The following PTPRD variants were observed in gnomAD, a reference collection of about 807,000 sequenced individuals.
PTPRD encodes protein tyrosine phosphatase receptor type D.
In PTPRD, 34 loss-of-function variants were observed where a neutral mutation model predicts 214.5. The ratio of observed to expected loss-of-function variants is 0.16; its 90% CI spans 0.12 to 0.21. The LOEUF (loss-of-function observed/expected upper bound fraction) is 0.21, where lower values mean the gene tolerates loss of function less well. Among genes scored for constraint, PTPRD ranks in the 10% least tolerant of loss-of-function variants. The pLI, the probability that PTPRD is intolerant of heterozygous loss-of-function variation, is 1.00. For missense variants in PTPRD, 2,545 were observed against 2,398.7 expected (o/e 1.06, Z -1.27); for synonymous variants, 1,128 against 845.7 (o/e 1.33, Z -5.79).
chr9:9,097,399 G>A (rs949425917), intron 10 of PTPRD, among the ~76,000 whole-genome samples: 3 of 147,852 alleles, frequency 2.0e-5, no homozygotes, highest in African/African-American at 7.5e-5. Flanking sequence ...GCACACCATG[G>A]CTCTTTTTTT....
chr9:8,855,793 C>G (rs778021550), intron 11 of PTPRD, among the ~76,000 whole-genome samples: 16 of 152,160 alleles, frequency 1.1e-4, no homozygotes, highest in Non-Finnish European at 1.9e-4. Context: ...CATCCCCTTG[C>G]TGTCCTTCCT....
chr9:8,621,699 T>A (rs908651865), intron 14 of PTPRD, among the ~76,000 whole-genome samples: 1 of 151,750 alleles, frequency 6.6e-6, no homozygotes, highest in African/African-American at 2.4e-5. Flanking sequence ...CTAAGATTAA[T>A]GGGACCCATA....
chr9:9,012,074 T>A (rs934731627), intron 11 of PTPRD, among the ~76,000 whole-genome samples: 2 of 152,148 alleles, frequency 1.3e-5, no homozygotes. Flanking sequence ...TACCATGTTG[T>A]GAGAGGGCCT....
intron 5 of PTPRD, among the ~76,000 whole-genome samples, chr9:9,839,068 G>C (rs1292879202): frequency 6.6e-6 from 1 of 152,164 alleles, no homozygotes; most frequent in Non-Finnish European, 1.5e-5. Context: ...TCAAAGATCA[G>C]ATAGTTGTAG....
chr9:10,184,214 C>G (rs771392289), intron 3 of PTPRD, among the ~76,000 whole-genome samples: 5 of 152,048 alleles, frequency 3.3e-5, no homozygotes, highest in Non-Finnish European at 7.4e-5. Context: ...TACTTGATGT[C>G]AGGGGTTCGA....
chr9:9,571,484 C>A (rs1263276400), intron 8 of PTPRD, among the ~76,000 whole-genome samples: 1 of 151,102 alleles, frequency 6.6e-6, no homozygotes, highest in Non-Finnish European at 1.5e-5. Flanking sequence ...TATATTTTAA[C>A]AATGATTACA....
chr9:9,633,051 T>A (rs996611771), intron 7 of PTPRD, among the ~76,000 whole-genome samples: 1 of 151,996 alleles, frequency 6.6e-6, no homozygotes. Context: ...TCCCAGCACT[T>A]TGGGAGGTGG....
At chr9:8,948,346 T>G (rs1482068795) in intron 11 of PTPRD, among the ~76,000 whole-genome samples, 4 of 136,226 alleles carry the variant, frequency 2.9e-5, no homozygotes, top group Non-Finnish European at 4.6e-5. Flanking sequence ...ACTATGCCCA[T>G]GCATCTTCAA....
At chr9:9,051,893 C>T (rs2099686454) in intron 10 of PTPRD, among the ~76,000 whole-genome samples, 1 of 152,126 alleles carries the variant, frequency 6.6e-6, no homozygotes, top group South Asian at 2.1e-4. Flanking sequence ...TCTATTGCTA[C>T]AAAACAACAT....
intron 7 of PTPRD, among the ~76,000 whole-genome samples, chr9:9,705,395 T>C (rs953581613): frequency 6.6e-6 from 1 of 152,198 alleles, no homozygotes; most frequent in Non-Finnish European, 1.5e-5. Context: ...TATGATTATG[T>C]TGAAATCAAA....
At chr9:9,361,821 T>G (rs536622086) in intron 9 of PTPRD, among the ~76,000 whole-genome samples, 32 of 151,220 alleles carry the variant, frequency 2.1e-4, no homozygotes, top group African/African-American at 7.5e-4. Context: ...TAACTACTAT[T>G]CAATTAAATA....
chr9:10,238,041 T>TA (rs34654151), intron 3 of PTPRD, among the ~76,000 whole-genome samples: 56,671 of 151,298 alleles, frequency 0.37, 12,508 homozygotes, highest in Non-Finnish European at 0.49. Context: ...CTTTTTTTTT[T>TA]AAAAATCCTT....
intron 9 of PTPRD, among the ~76,000 whole-genome samples, chr9:9,340,429 C>A (rs757197090): frequency 7.2e-5 from 11 of 152,190 alleles, no homozygotes; most frequent in Non-Finnish European, 1.5e-4. Context: ...GCTTATTATA[C>A]ATTATGGATA....
At chr9:8,748,474 TG>T (rs113472991) in intron 11 of PTPRD, among the ~76,000 whole-genome samples, 9 of 134,910 alleles carry the variant, frequency 6.7e-5, no homozygotes, top group African/African-American at 2.5e-4. Flanking sequence ...TCCCTTTGTA[TG>T]GGAGCTCTGT....
intron 11 of PTPRD, among the ~76,000 whole-genome samples, chr9:9,008,290 C>T (rs952053051): frequency 1.3e-5 from 2 of 150,396 alleles, no homozygotes; most frequent in East Asian, 2.0e-4. Context: ...GTCCAGTGGC[C>T]GATCTTGGCT....
intron 12 of PTPRD, among the ~76,000 whole-genome samples, chr9:8,707,256 C>A (rs1023599566): frequency 6.6e-5 from 10 of 152,148 alleles, no homozygotes; most frequent in African/African-American, 1.7e-4. Flanking sequence ...TTGAATAATT[C>A]TTTGGTGACA....
intron 14 of PTPRD, among the ~76,000 whole-genome samples, chr9:8,559,363 T>C (rs73412714): frequency 0.05 from 7,666 of 152,266 alleles, 634 homozygotes; most frequent in African/African-American, 0.18. Context: ...CACATATACC[T>C]CTCAAATATG....
intron 11 of PTPRD, among the ~76,000 whole-genome samples, chr9:8,966,519 T>G (rs1187510687): frequency 6.6e-6 from 1 of 151,928 alleles, no homozygotes; most frequent in Non-Finnish European, 1.5e-5. Flanking sequence ...AAAGGACTCC[T>G]TCTTTAATAA....
At chr9:8,907,046 A>T (rs2098712743) in intron 11 of PTPRD, among the ~76,000 whole-genome samples, 3 of 152,100 alleles carry the variant, frequency 2.0e-5, no homozygotes, top group Admixed American at 6.6e-5. Flanking sequence ...TTCTCAACCC[A>T]CATATGTATC....
Sources: allele counts gnomAD v4.1 joint callset (sites outside exome capture counted in the v4.1 genomes callset), GRCh38; gene constraint gnomAD v4.1.1; transcripts MANE v1.5; gene names NCBI Gene and HGNC (gene_info 2026-07-23, HGNC 2026-07-21).